ZSWIM5: variants seen among roughly 807,000 people sequenced by gnomAD.
ZSWIM5 encodes zinc finger SWIM domain-containing protein 5.
ZSWIM5 carries 55 observed loss-of-function variants against 119.6 expected under a neutral mutation model. The ratio of observed to expected loss-of-function variants is 0.46; its 90% confidence interval spans 0.37 to 0.58. ZSWIM5 has a LOEUF of 0.58. Among genes scored for constraint, ZSWIM5 ranks in the 20% least tolerant of loss-of-function variants. ZSWIM5 has a pLI of 0.00. For synonymous variants in ZSWIM5, 537 were observed against 606.9 expected (o/e 0.88, Z 1.69); for missense variants, 1,193 against 1,512.8 (o/e 0.79, Z 3.51).
chr1:45,142,043 T>C (rs1457034525), intron 1 of ZSWIM5, among the ~76,000 whole-genome samples: 1 of 152,058 alleles, frequency 6.6e-6, no homozygotes, highest in East Asian at 1.9e-4. Context: ...ACTTCATCTC[T>C]ACAAAAACAT....
At chr1:45,044,227 C>T (rs550183827) in intron 5 of ZSWIM5, among the ~76,000 whole-genome samples, 27 of 149,944 alleles carry the variant, frequency 1.8e-4, no homozygotes, top group African/African-American at 6.1e-4. Flanking sequence ...AGAGCTGAAG[C>T]TCTGTATATT....
At chr1:45,038,821 C>T in intron 8 of ZSWIM5, 115 bp downstream of exon 8, 1 of 1,324,760 alleles carries the variant, frequency 7.5e-7, no homozygotes, top group Non-Finnish European at 1.0e-6. Context: ...GTCTTGAACT[C>T]TTGAACTCAA....
At chr1:45,191,181 C>T (rs1297990163) in intron 1 of ZSWIM5, among the ~76,000 whole-genome samples, 1 of 151,974 alleles carries the variant, frequency 6.6e-6, no homozygotes, top group Non-Finnish European at 1.5e-5. Flanking sequence ...GATCCGCCCG[C>T]CTCGGCCTCC....
At chr1:45,162,726 C>A (rs1043354168) in intron 1 of ZSWIM5, among the ~76,000 whole-genome samples, 1 of 152,132 alleles carries the variant, frequency 6.6e-6, no homozygotes, top group Non-Finnish European at 1.5e-5. Context: ...TCACTGCCAG[C>A]ACAGCACTCT....
chr1:45,125,668 G>A (rs1445935893), intron 1 of ZSWIM5, among the ~76,000 whole-genome samples: 2 of 151,810 alleles, frequency 1.3e-5, no homozygotes, highest in African/African-American at 4.8e-5. Context: ...CAGCTACTCG[G>A]GAGGCTGAGG....
chr1:45,035,285 G>A (rs920918892), intron 10 of ZSWIM5, among the ~76,000 whole-genome samples: 2 of 152,100 alleles, frequency 1.3e-5, no homozygotes, highest in Non-Finnish European at 2.9e-5. Context: ...CAAGTCTTGG[G>A]GTAAACATAT....
intron 5 of ZSWIM5, among the ~76,000 whole-genome samples, chr1:45,047,121 T>TCGAAGGAA (rs1230636577): frequency 1.3e-5 from 2 of 151,870 alleles, no homozygotes; most frequent in Non-Finnish European, 2.9e-5. Flanking sequence ...TAAAGACACT[T>TCGAAGGAA]CGAAGGAACG....
At chr1:45,137,720 G>A (rs1645698177) in intron 1 of ZSWIM5, among the ~76,000 whole-genome samples, 1 of 152,198 alleles carries the variant, frequency 6.6e-6, no homozygotes. Flanking sequence ...GGTGCAGGAT[G>A]AGCTAGTGGG....
intron 1 of ZSWIM5, among the ~76,000 whole-genome samples, chr1:45,203,231 G>T (rs1646168242): frequency 6.6e-6 from 1 of 151,982 alleles, no homozygotes; most frequent in Non-Finnish European, 1.5e-5. Flanking sequence ...CAGAATTCAT[G>T]ACTTCCCATT....
chr1:45,127,055 G>A (rs74490984), intron 1 of ZSWIM5, among the ~76,000 whole-genome samples: 3,134 of 152,140 alleles, frequency 0.021, 116 homozygotes, highest in African/African-American at 0.072. Flanking sequence ...ACCAAAGACA[G>A]TATCAAGTAA....
chr1:45,111,229 A>G (rs1645515263), intron 1 of ZSWIM5, among the ~76,000 whole-genome samples: 1 of 152,210 alleles, frequency 6.6e-6, no homozygotes, highest in African/African-American at 2.4e-5. Context: ...TAAGATCTGC[A>G]TTATTTGACA....
At position 45,020,778 on chromosome 1, in the gene ZSWIM5, C is replaced by G. The variant is rs748817507; in HGVS notation, c.2460G>C (p.Leu820Phe). 6.2e-7 allele frequency: 1 copy of G among 1,614,014 alleles called. No individual in the cohort carries two copies. Among genetic ancestry groups the G allele is most frequent in the South Asian group, 1.1e-5 (1 of 91,054 alleles). ...TMLTAAKGDT[L>F]RLRTILEAIQ... ...TTGCTTCCAGAATTGTTCGGAGTCTCAAAGTGTCTCCTATAGGTGTCAAGA... is the reference window on the plus strand; with the variant it reads ...TTGCTTCCAGAATTGTTCGGAGTCTGAAAGTGTCTCCTATAGGTGTCAAGA... The change falls in exon 12 of 14, where the codon TTG becomes TTC. Residue 820 changes from leucine to phenylalanine, a missense_variant. By Grantham distance (22) the Leu-to-Phe change is conservative (BLOSUM62 0). This residue lies in a region of ZSWIM5 where 961 missense variants were observed against 1,290.0 expected (regional missense o/e 0.74). Transcript: ENST00000359600.
chr1:45,143,171 C>CAAAAAA (rs60638239), intron 1 of ZSWIM5, among the ~76,000 whole-genome samples: 2 of 60,564 alleles, frequency 3.3e-5, no homozygotes, highest in Non-Finnish European at 6.5e-5. Context: ...GACTCTGTCT[C>CAAAAAA]AAAAAAAAAA....
rs1044984727 is a variant in ZSWIM5, at chr1:45,114,641, A to T, written c.596-26404T>A. ...TGCACACAGCATGTTTGTACTCTGT[A>T]TCTTTTTTTTTTTTTTTTAGTATTT... On this transcript the variant is annotated intron_variant, in intron 1 of 13. Coordinates refer to ENST00000359600, the MANE Select transcript of ZSWIM5 (RefSeq NM_020883.2). Among the ~76,000 whole-genome samples the T allele has an allele frequency of 8.5e-4, 125 of 147,816 alleles. 1 individual carries two copies. The highest frequency in any genetic ancestry group is 3.2e-3 in the African/African-American group (123 of 38,840).
In ZSWIM5 at chr1:45,176,424, G is replaced by A. The variant is rs370680901; in HGVS notation, c.595+29332C>T. ...GACTACAGGTGCATGCCACCACACCGAGCTAATTTTTCTATTTTTTAGTAG... is the reference window on the plus strand; with the variant it reads ...GACTACAGGTGCATGCCACCACACCAAGCTAATTTTTCTATTTTTTAGTAG... On this transcript the variant is annotated intron_variant, in intron 1 of 13. Transcript: ENST00000359600. Among the ~76,000 whole-genome samples, 41 of 151,738 alleles carry A rather than the reference G, an allele frequency of 2.7e-4. No homozygotes were observed. The East Asian group carries it at 5.4e-3, about 20-fold the overall frequency.
chr1:45,160,923 G>A (rs538549911), intron 1 of ZSWIM5, among the ~76,000 whole-genome samples: 73 of 149,544 alleles, frequency 4.9e-4, no homozygotes, highest in African/African-American at 1.7e-3. Flanking sequence ...CCGGGTTCAC[G>A]CCATTCTCCT....
At chr1:45,193,612 G>C (rs894790271) in intron 1 of ZSWIM5, among the ~76,000 whole-genome samples, 4 of 152,072 alleles carry the variant, frequency 2.6e-5, no homozygotes, top group Non-Finnish European at 4.4e-5. Flanking sequence ...ACCTTTAAGA[G>C]ATCAATTTTA....
intron 1 of ZSWIM5, among the ~76,000 whole-genome samples, chr1:45,151,010 C>T (rs1645793907): frequency 6.6e-6 from 1 of 152,140 alleles, no homozygotes; most frequent in Non-Finnish European, 1.5e-5. Flanking sequence ...TTGAGACTTT[C>T]AGAACTAATT....
intron 1 of ZSWIM5, among the ~76,000 whole-genome samples, chr1:45,180,269 C>T (rs373790163): frequency 2.0e-5 from 3 of 152,294 alleles, no homozygotes; most frequent in East Asian, 3.9e-4. Flanking sequence ...AAACGGCACA[C>T]CAGGAGATTA....
Sources: allele counts gnomAD v4.1 joint callset (sites outside exome capture counted in the v4.1 genomes callset), GRCh38; gene constraint gnomAD v4.1.1; regional missense constraint gnomAD v4.1.1; transcripts MANE v1.5; gene names NCBI Gene and HGNC (gene_info 2026-07-23, HGNC 2026-07-21).